The following SLC9A9 variants were observed in gnomAD, a reference collection of about 807,000 sequenced individuals.
SLC9A9 encodes the protein solute carrier family 9 member A9.
A neutral mutation model predicts 77.8 loss-of-function variants in SLC9A9; 62 were observed. The ratio of observed to expected loss-of-function variants is 0.80; its 90% CI spans 0.65 to 0.98. The LOEUF (loss-of-function observed/expected upper bound fraction) is 0.98. Ranked by LOEUF, SLC9A9 falls within the 50% of genes least tolerant of loss-of-function variation. SLC9A9 has a pLI of 0.00. For missense variants in SLC9A9, 775 were observed against 774.9 expected (o/e 1.00, Z 0.00); for synonymous variants, 320 against 283.5 (o/e 1.13, Z -1.29).
At chr3:143,354,520 G>T (rs1279911070) in intron 14 of SLC9A9, among the ~76,000 whole-genome samples, 1 of 152,198 alleles carries the variant, frequency 6.6e-6, no homozygotes, top group Admixed American at 6.5e-5. Flanking sequence ...TGTCTCACTG[G>T]CAGGTGGTAA....
chr3:143,469,439 A>T (rs2035339875), intron 11 of SLC9A9, among the ~76,000 whole-genome samples: 1 of 152,250 alleles, frequency 6.6e-6, no homozygotes, highest in African/African-American at 2.4e-5. Context: ...AAAGGTTTGA[A>T]TCATACATAT....
At chr3:143,619,337 A>C (rs1394574188) in intron 6 of SLC9A9, among the ~76,000 whole-genome samples, 3 of 152,240 alleles carry the variant, frequency 2.0e-5, no homozygotes, top group East Asian at 3.8e-4. Context: ...GAATAAAGAA[A>C]GAAAAAGCAT....
At chr3:143,817,014 T>C (rs1174351635) in intron 2 of SLC9A9, among the ~76,000 whole-genome samples, 3 of 152,228 alleles carry the variant, frequency 2.0e-5, no homozygotes, top group Admixed American at 2.0e-4. Flanking sequence ...TGTAATCTGG[T>C]TACTATTCTG....
At chr3:143,332,699 G>A (rs115331795) in intron 14 of SLC9A9, among the ~76,000 whole-genome samples, 4,288 of 152,256 alleles carry the variant, frequency 0.028, 77 homozygotes, top group South Asian at 0.04. Flanking sequence ...CTGTAAATCT[G>A]ATCATGGAAA....
intron 4 of SLC9A9, among the ~76,000 whole-genome samples, chr3:143,786,112 C>T (rs1262455664): frequency 1.3e-5 from 2 of 151,956 alleles, no homozygotes; most frequent in Non-Finnish European, 1.5e-5. Context: ...GTCTCGGCCT[C>T]CCAAAGTGCT....
At chr3:143,768,624 T>C (rs1031013632) in intron 4 of SLC9A9, among the ~76,000 whole-genome samples, 9 of 152,206 alleles carry the variant, frequency 5.9e-5, no homozygotes, top group Admixed American at 3.3e-4. Flanking sequence ...ATAGATTATG[T>C]ATAATATGGC....
chr3:143,383,195 A>T (rs1337234826), intron 12 of SLC9A9, among the ~76,000 whole-genome samples: 1 of 152,226 alleles, frequency 6.6e-6, no homozygotes, highest in African/African-American at 2.4e-5. Flanking sequence ...GGCTCAGTCC[A>T]TCTCAAACCT....
At chr3:143,659,155 T>A (rs903437635) in intron 5 of SLC9A9, among the ~76,000 whole-genome samples, 4 of 151,964 alleles carry the variant, frequency 2.6e-5, no homozygotes, top group African/African-American at 9.7e-5. Flanking sequence ...TTTTCCTTTT[T>A]AAAAATGAAA....
intron 14 of SLC9A9, among the ~76,000 whole-genome samples, chr3:143,339,479 T>C (rs1423883578): frequency 1.3e-5 from 2 of 152,120 alleles, no homozygotes; most frequent in African/African-American, 2.4e-5. Flanking sequence ...TCATTTCTTA[T>C]GCAGTAGATA....
At chr3:143,366,315 T>C (rs1483511709) in intron 13 of SLC9A9, among the ~76,000 whole-genome samples, 2 of 152,220 alleles carry the variant, frequency 1.3e-5, no homozygotes, top group African/African-American at 4.8e-5. Flanking sequence ...GGTTGCATTG[T>C]ACCTATTTTG....
intron 4 of SLC9A9, among the ~76,000 whole-genome samples, chr3:143,714,077 G>A (rs145399866): frequency 2.1e-4 from 32 of 152,188 alleles, no homozygotes; most frequent in African/African-American, 6.3e-4. Context: ...TGTCTGTGTC[G>A]AAAAACTCAA....
intron 8 of SLC9A9, among the ~76,000 whole-genome samples, chr3:143,563,939 C>T (rs1471844193): frequency 1.3e-5 from 2 of 152,112 alleles, no homozygotes; most frequent in Non-Finnish European, 2.9e-5. Flanking sequence ...CAGTGTCTCC[C>T]TCTTGACCTC....
chr3:143,792,871 G>A (rs963202687), intron 4 of SLC9A9, among the ~76,000 whole-genome samples: 30 of 151,672 alleles, frequency 2.0e-4, no homozygotes, highest in African/African-American at 6.6e-4. Flanking sequence ...TCTCCTTCAC[G>A]CAGCTACCAA....
chr3:143,828,747 C>CAG (rs1329218312), intron 2 of SLC9A9, among the ~76,000 whole-genome samples: 1 of 152,096 alleles, frequency 6.6e-6, no homozygotes, highest in Non-Finnish European at 1.5e-5. Flanking sequence ...ATGACAGGTA[C>CAG]AGAGGTCCTG....
intron 13 of SLC9A9, among the ~76,000 whole-genome samples, chr3:143,378,071 C>T (rs1014732779): frequency 1.4e-4 from 21 of 152,220 alleles, no homozygotes; most frequent in Admixed American, 1.3e-4. Flanking sequence ...ACCAAGTAGC[C>T]TCCTCGCCTG....
chr3:143,688,123 T>A (rs896730329), intron 5 of SLC9A9, among the ~76,000 whole-genome samples: 4 of 151,716 alleles, frequency 2.6e-5, no homozygotes, highest in African/African-American at 9.7e-5. Context: ...TCTCTCTCTC[T>A]CTCTTTCTTT....
rs533882578 is a variant in SLC9A9, at chr3:143,688,985, A to G, written c.649+4207T>C. On this transcript the variant is annotated intron_variant, in intron 5 of 15. Coordinates refer to ENST00000316549, the MANE Select transcript of SLC9A9 (RefSeq NM_173653.4). ...ATTATAAATTACATGAATCTTACTC[A>G]TAATAAAATACAAAAATACAAACAT... Among the ~76,000 whole-genome samples, 26 of 152,004 alleles carry G rather than the reference A, an allele frequency of 1.7e-4. No homozygotes were observed. The South Asian group carries it at 5.4e-3, about 32-fold the overall frequency.
At chr3:143,518,316 G>C (rs9289664) in intron 9 of SLC9A9, 765,194 of 777,036 alleles carry the variant, frequency 0.98, 376,856 homozygotes, top group East Asian at 1. Context: ...AGAAAGGGCT[G>C]TTTAACTACT....
Position 143,816,364 on chromosome 3 carries a change from C to T in SLC9A9, c.378+15655G>A, listed in dbSNP as rs66585826. On this transcript the variant is annotated intron_variant, in intron 2 of 15. Coordinates refer to ENST00000316549, the MANE Select transcript of SLC9A9 (RefSeq NM_173653.4). ...GACCCCAGGTGCATACCACCACAAC[C>T]ACCTAATTTTAAAATACTTTTGTAT... is the stretch of plus-strand genomic sequence containing the variant. 3.9e-5 allele frequency among the ~76,000 whole-genome samples: 6 copies of T among 152,160 alleles called. No homozygotes were observed. In the East Asian group the frequency reaches 1.2e-3, roughly 29 times the overall value.
Sources: gnomAD v4.1 joint callset for allele counts (sites outside exome capture counted in the v4.1 genomes callset) on GRCh38, gnomAD v4.1.1 for gene constraint, MANE v1.5 for transcripts, NCBI Gene and HGNC (gene_info 2026-07-23, HGNC 2026-07-21) for gene names.